PACS2: variants seen among roughly 807,000 people sequenced by gnomAD.
PACS2 encodes the protein phosphofurin acidic cluster sorting protein 2, also known as PACS1-like protein.
In PACS2, 36 loss-of-function variants were observed where a neutral mutation model predicts 113.0. The observed-to-expected ratio is 0.32, with a 90% confidence interval of 0.24 to 0.42. The LOEUF is 0.42. Among genes scored for constraint, PACS2 ranks in the 10% least tolerant of loss-of-function variants. The pLI, the probability that PACS2 is intolerant of heterozygous loss-of-function variation, is 1.00. For missense variants in PACS2, 1,015 were observed against 1,239.5 expected (o/e 0.82, Z 2.72); for synonymous variants, 589 against 536.1 (o/e 1.10, Z -1.36).
At chr14:105,359,280 T>C (rs1490692069) in intron 4 of PACS2, among the ~76,000 whole-genome samples, 2 of 152,102 alleles carry the variant, frequency 1.3e-5, no homozygotes, top group Non-Finnish European at 2.9e-5. Context: ...TAATGTCTTT[T>C]ATACTTTATT....
chr14:105,394,448 A>G, intron 24 of PACS2, 106 bp from the exon 25 acceptor site: 1 of 1,554,476 alleles, frequency 6.4e-7, no homozygotes, highest in South Asian at 1.2e-5. Context: ...GCTCCTTCTC[A>G]TCCTGTACGC....
rs1235352967 is a variant in PACS2, at chr14:105,354,799, A to G, written c.298-253A>G. On this transcript the variant is annotated intron_variant, in intron 3 of 24. Transcript: ENST00000447393. The surrounding 1 kb of genome is among the most constrained non-coding windows in gnomAD (Gnocchi z 4.2). The stretch of plus-strand genomic sequence containing the variant: ...TCCTTGTCCACCTGCCATGGCTGTT[A>G]GCGTGGCGCGGAGCCCTCAGGGCCT... 6.6e-6 allele frequency among the ~76,000 whole-genome samples: 1 copy of G among 152,212 alleles called. No individual in the cohort carries two copies. The highest frequency in any genetic ancestry group is 1.5e-5 in the Non-Finnish European group (1 of 68,028).
chr14:105,304,266 C>G (rs2058114637), intron 1 of PACS2, among the ~76,000 whole-genome samples: 1 of 152,132 alleles, frequency 6.6e-6, no homozygotes, highest in Admixed American at 6.6e-5. Flanking sequence ...CTGAGGAGGG[C>G]AGATCACGAG....
At chr14:105,381,365 A>T (rs1595150853) in intron 12 of PACS2, among the ~76,000 whole-genome samples, 1 of 152,162 alleles carries the variant, frequency 6.6e-6, no homozygotes, top group African/African-American at 2.4e-5. Flanking sequence ...GTGCCCCCAC[A>T]TCCCCCTGAG....
Position 105,376,688 on chromosome 14 carries a change from A to T in PACS2, c.802-80A>T. 1 of 1,402,522 alleles carries T rather than the reference A, an allele frequency of 7.1e-7. No homozygotes were observed. The highest frequency in any genetic ancestry group is 9.9e-7 in the Non-Finnish European group (1 of 1,013,878). 86.9% of individuals were successfully genotyped at this position (1,402,522 alleles called of 1,614,324 possible). On this transcript the variant is annotated intron_variant, in intron 8 of 24. Transcript: ENST00000447393. This position sits in a 1 kb window ranked among gnomAD's most constrained non-coding sequence, Gnocchi z 4.7. Reference sequence around the variant, plus strand: ...GGTGCCCGCCTCCTATTGCTCCTGCAGACTCTGGGGTCTCGGGCGCCCCCA... The same window carrying T: ...GGTGCCCGCCTCCTATTGCTCCTGCTGACTCTGGGGTCTCGGGCGCCCCCA...
Position 105,355,146 on chromosome 14 carries a change from C to T in PACS2, c.392C>T (p.Thr131Met), listed in dbSNP as rs782050259. 3.7e-6 allele frequency: 6 copies of T among 1,613,348 alleles called. No individual in the cohort carries two copies. Among genetic ancestry groups the T allele is most frequent in the African/African-American group, 1.3e-5 (1 of 74,952 alleles). Residue 131 changes from threonine (T) to methionine (M), a missense_variant, in exon 4 of 25, where the codon ACG becomes ATG. This residue lies in a region of PACS2 where 16 missense variants were observed against 47.6 expected (regional missense o/e 0.34). Transcript: ENST00000447393. The surrounding 1 kb of genome is among the most constrained non-coding windows in gnomAD (Gnocchi z 4.1). ...YKNRTILGYK[T>M]LAAGSISMAE... is the part of the protein sequence containing the mutation. ...AACAGAACCATCCTGGGCTACAAGA[C>T]GCTGGCCGCGGGCTCCATCAGCATG... is the stretch of plus-strand genomic sequence containing the variant.
chr14:105,395,033 CG>C lies in PACS2; in HGVS notation c.*365del. 4.2e-6 allele frequency: 1 copy of C among 237,096 alleles called. No homozygotes were observed. Among genetic ancestry groups the C allele is most frequent in the Non-Finnish European group, 8.4e-6 (1 of 118,426 alleles). 14.7% of individuals were successfully genotyped at this position (237,096 alleles called of 1,614,324 possible). On this transcript the variant is annotated 3_prime_UTR_variant, in exon 25 of 25. Coordinates refer to ENST00000447393, the MANE Select transcript of PACS2 (RefSeq NM_001100913.3). The stretch of plus-strand genomic sequence containing the variant: ...CAGGACTCTGCTTCCTCAGGGAGCC[CG>C]GGGAAGGCGGAGCTCAGTGGCCACA...
chr14:105,310,073 C>T (rs1022029944), upstream of PACS2, among the ~76,000 whole-genome samples: 6 of 151,692 alleles, frequency 4.0e-5, no homozygotes, highest in Non-Finnish European at 5.9e-5. Context: ...TATGAGCCAC[C>T]GCACCCAGCC....
intron 1 of PACS2, among the ~76,000 whole-genome samples, chr14:105,333,518 C>T (rs181467294): frequency 6.6e-6 from 1 of 152,210 alleles, no homozygotes; most frequent in Non-Finnish European, 1.5e-5. Flanking sequence ...GGGGTGCTGG[C>T]TTGTGTCACC....
chr14:105,323,846 A>G lies in PACS2; in HGVS notation c.119+8809A>G, dbSNP rs1269266694. Among the ~76,000 whole-genome samples, 1 of 152,246 alleles carries G rather than the reference A, an allele frequency of 6.6e-6. No individual in the cohort carries two copies. The highest frequency in any genetic ancestry group is 1.5e-5 in the Non-Finnish European group (1 of 68,040). On this transcript the variant is annotated intron_variant, in intron 1 of 24. Coordinates refer to ENST00000447393, the MANE Select transcript of PACS2 (RefSeq NM_001100913.3). The surrounding 1 kb of genome is among the most constrained non-coding windows in gnomAD (Gnocchi z 4.1). ...AGCACTCGAGCTGGGGCCAAGGGGC[A>G]GCAGGACGGTGCCCGTAGCCCTGGA...
At chr14:105,368,267 C>A in intron 6 of PACS2, 120 bp downstream of exon 6, 1 of 834,518 alleles carries the variant, frequency 1.2e-6, no homozygotes, top group Non-Finnish European at 1.9e-6. Flanking sequence ...CGGGCCTGGC[C>A]CCTGGTTGGC....
In PACS2 at chr14:105,357,278, T is replaced by G. The variant is rs1360670794; in HGVS notation, c.423+2101T>G. 6.6e-6 allele frequency among the ~76,000 whole-genome samples: 1 copy of G among 151,834 alleles called. No homozygotes were observed. The highest frequency in any genetic ancestry group is 1.5e-5 in the Non-Finnish European group (1 of 67,996). ...TGGAGCAACCTTCCCCCACCCCAGG[T>G]CACACCAGCCACATCGTCTGCTGCT... On this transcript the variant is annotated intron_variant, in intron 4 of 24. Transcript: ENST00000447393. The surrounding 1 kb of genome is among the most constrained non-coding windows in gnomAD (Gnocchi z 5.1).
chr14:105,339,447 A>G (rs1379223462), intron 1 of PACS2, among the ~76,000 whole-genome samples: 1 of 151,354 alleles, frequency 6.6e-6, no homozygotes, highest in Non-Finnish European at 1.5e-5. Flanking sequence ...CAGAGGTTGC[A>G]GTGAGCTGAG....
chr14:105,342,375 C>T (rs1186403902), intron 1 of PACS2, among the ~76,000 whole-genome samples: 2 of 152,018 alleles, frequency 1.3e-5, no homozygotes, highest in Non-Finnish European at 2.9e-5. Context: ...TCAGGTGATC[C>T]TCCCACCTCA....
In PACS2 at chr14:105,340,941, C is replaced by T. The variant is rs1162302980; in HGVS notation, c.120-7552C>T. On this transcript the variant is annotated intron_variant, in intron 1 of 24. Transcript: ENST00000447393. The surrounding 1 kb of genome is among the most constrained non-coding windows in gnomAD (Gnocchi z 4.2). Reference sequence around the variant, plus strand: ...CTCAGCACCCTTGCCCCGTCTCTGGCCACGTAGCCGTCACCCAGCTAGCAT... The same window carrying T: ...CTCAGCACCCTTGCCCCGTCTCTGGTCACGTAGCCGTCACCCAGCTAGCAT... 6.6e-6 allele frequency among the ~76,000 whole-genome samples: 1 copy of T among 152,264 alleles called. No homozygotes were observed. The highest frequency in any genetic ancestry group is 2.4e-5 in the African/African-American group (1 of 41,476).
chr14:105,349,875 A>C (rs12884499), intron 2 of PACS2, among the ~76,000 whole-genome samples: 52 of 89,204 alleles, frequency 5.8e-4, no homozygotes, highest in Middle Eastern at 8.2e-3. Context: ...CTTCCAGGAG[A>C]GCGTGGCTAA....
At chr14:105,361,552 G>A (rs587649713) in intron 4 of PACS2, among the ~76,000 whole-genome samples, 1 of 152,240 alleles carries the variant, frequency 6.6e-6, no homozygotes, top group South Asian at 2.1e-4. Flanking sequence ...CAGAAGAATC[G>A]GTTGAACCTG....
At chr14:105,392,926 G>C (rs2081408101) in intron 23 of PACS2, 81 bp downstream of exon 23, 1 of 1,165,124 alleles carries the variant, frequency 8.6e-7, no homozygotes, top group Non-Finnish European at 1.3e-6. Flanking sequence ...CAACAGGGAT[G>C]ACAGCCCCCG....
intron 11 of PACS2, 81 bp downstream of exon 11, chr14:105,380,235 C>A: frequency 1.6e-6 from 2 of 1,220,794 alleles, no homozygotes; most frequent in Non-Finnish European, 2.3e-6. Flanking sequence ...CCTGGAGGGG[C>A]GGGGCCCACA....
Sources: allele counts gnomAD v4.1 joint callset (sites outside exome capture counted in the v4.1 genomes callset), GRCh38; gene constraint gnomAD v4.1.1; regional missense constraint gnomAD v4.1.1; non-coding constraint Gnocchi (gnomAD v3.1); transcripts MANE v1.5; gene names NCBI Gene and HGNC (gene_info 2026-07-23, HGNC 2026-07-21).